The following MAP2K4 variants were observed in gnomAD, a reference collection of about 807,000 sequenced individuals.
MAP2K4 encodes mitogen-activated protein kinase kinase 4.
MAP2K4 carries 4 observed loss-of-function variants against 48.5 expected under a neutral mutation model. The ratio of observed to expected loss-of-function variants is 0.08; its 90% CI spans 0.04 to 0.19. The LOEUF (loss-of-function observed/expected upper bound fraction) is 0.19. MAP2K4 is among the 10% of genes least tolerant of loss of function. The pLI, the probability that MAP2K4 is intolerant of heterozygous loss-of-function variation, is 1.00. For missense variants in MAP2K4, 258 were observed against 493.3 expected (o/e 0.52, Z 4.52); for synonymous variants, 166 against 173.1 (o/e 0.96, Z 0.32).
chr17:12,123,574 G>T (rs763880493), intron 7 of MAP2K4, among the ~76,000 whole-genome samples: 16 of 151,778 alleles, frequency 1.1e-4, no homozygotes, highest in Non-Finnish European at 2.1e-4. Context: ...CCTCCTGCTT[G>T]CTTTGTATTT....
chr17:12,131,570 TC>T (rs1253621497), intron 9 of MAP2K4, among the ~76,000 whole-genome samples: 2 of 152,058 alleles, frequency 1.3e-5, no homozygotes, highest in Non-Finnish European at 2.9e-5. Flanking sequence ...TCTCATGACT[TC>T]CCTCTCCTTG....
intron 1 of MAP2K4, among the ~76,000 whole-genome samples, chr17:12,022,612 GT>G (rs1232712863): frequency 2.6e-5 from 4 of 152,196 alleles, no homozygotes; most frequent in African/African-American, 9.6e-5. Context: ...GATACAGTGT[GT>G]TTTTTTGGTT....
At chr17:12,103,692 C>CA (rs1485184370) in intron 4 of MAP2K4, among the ~76,000 whole-genome samples, 10 of 152,044 alleles carry the variant, frequency 6.6e-5, no homozygotes, top group Non-Finnish European at 1.0e-4. Context: ...TCCATATGTG[C>CA]ATTTTCCCCT....
intron 7 of MAP2K4, among the ~76,000 whole-genome samples, chr17:12,119,122 A>G (rs960719527): frequency 6.6e-6 from 1 of 152,216 alleles, no homozygotes; most frequent in African/African-American, 2.4e-5. Context: ...AGTGATAATG[A>G]GGATGATGTT....
chr17:12,028,115 T>A (rs1329436228), intron 1 of MAP2K4, among the ~76,000 whole-genome samples: 1 of 152,228 alleles, frequency 6.6e-6, no homozygotes, highest in East Asian at 1.9e-4. Flanking sequence ...AGAAGTTAGA[T>A]ACTTGCCCGA....
At chr17:12,074,566 G>A (rs915006728) in intron 2 of MAP2K4, among the ~76,000 whole-genome samples, 1 of 152,194 alleles carries the variant, frequency 6.6e-6, no homozygotes, top group African/African-American at 2.4e-5. Flanking sequence ...ATGAGCCTGG[G>A]TATCATGCCT....
chr17:12,073,799 G>A (rs1287804660), intron 2 of MAP2K4, among the ~76,000 whole-genome samples: 1 of 142,422 alleles, frequency 7.0e-6, no homozygotes, highest in African/African-American at 2.6e-5. Context: ...CTGAGACGGA[G>A]TCTCGTACTG....
rs528397240 is a variant in MAP2K4 at position 12,049,285 on chromosome 17, A to G, written c.116-5604A>G. ...GAATACTTGTAAGTCAAATACCAAT[A>G]TTCTTGAAGGTATTCTATGAATGAC... On this transcript the variant is annotated intron_variant, in intron 1 of 10. Transcript: ENST00000353533. Among the ~76,000 whole-genome samples, 47 of 152,334 alleles carry G rather than the reference A, an allele frequency of 3.1e-4. 1 individual carries two copies. Among genetic ancestry groups the G allele is most frequent in the African/African-American group, 1.1e-3 (46 of 41,570 alleles).
At chr17:12,115,043 T>C (rs1050255090) in intron 7 of MAP2K4, among the ~76,000 whole-genome samples, 1 of 152,248 alleles carries the variant, frequency 6.6e-6, no homozygotes, top group Non-Finnish European at 1.5e-5. Context: ...AGGCTTCAAG[T>C]GGTTTGACTT....
At chr17:12,103,949 T>A (rs1257039613) in intron 4 of MAP2K4, among the ~76,000 whole-genome samples, 2 of 152,220 alleles carry the variant, frequency 1.3e-5, no homozygotes, top group Non-Finnish European at 2.9e-5. Context: ...CTCATTTTTT[T>A]ATAATTATAA....
At chr17:12,138,449 A>G (rs1292650832) in intron 9 of MAP2K4, among the ~76,000 whole-genome samples, 4 of 150,278 alleles carry the variant, frequency 2.7e-5, no homozygotes, top group African/African-American at 4.9e-5. Context: ...AAGAGAAAAT[A>G]TATTATTTAT....
At chr17:12,028,966 T>G (rs577719212) in intron 1 of MAP2K4, among the ~76,000 whole-genome samples, 6 of 152,348 alleles carry the variant, frequency 3.9e-5, no homozygotes, top group African/African-American at 1.4e-4. Context: ...TCAAGTGAAA[T>G]GACTTCAGTT....
intron 7 of MAP2K4, among the ~76,000 whole-genome samples, chr17:12,122,955 AGTATT>A (rs1002310273): frequency 1.7e-4 from 26 of 152,198 alleles, no homozygotes; most frequent in African/African-American, 6.0e-4. Flanking sequence ...GTATTAAGTT[AGTATT>A]GTATTCTTGA....
At chr17:12,125,252 G>C in intron 7 of MAP2K4, 42 bp from the exon 8 acceptor site, 1 of 1,483,476 alleles carries the variant, frequency 6.7e-7, no homozygotes. Flanking sequence ...TATTCCTTGA[G>C]TGTAAGGCAA....
At chr17:12,140,850 A>G (rs1248266474) in intron 10 of MAP2K4, among the ~76,000 whole-genome samples, 1 of 152,172 alleles carries the variant, frequency 6.6e-6, no homozygotes, top group Non-Finnish European at 1.5e-5. Flanking sequence ...CTGAGTGACA[A>G]CTTGGCTGTC....
At chr17:12,092,516 C>G (rs1279469550) in intron 3 of MAP2K4, among the ~76,000 whole-genome samples, 1 of 152,110 alleles carries the variant, frequency 6.6e-6, no homozygotes. Context: ...TAGCTTTAGT[C>G]TCTTAAGTAT....
intron 6 of MAP2K4, 156 bp downstream of exon 6, chr17:12,110,582 G>T: frequency 3.5e-6 from 2 of 571,928 alleles, no homozygotes; most frequent in South Asian, 2.6e-5. Flanking sequence ...CTCTATTACT[G>T]CTATTTTTTT....
chr17:12,045,105 C>G (rs1277255850), intron 1 of MAP2K4, among the ~76,000 whole-genome samples: 1 of 152,198 alleles, frequency 6.6e-6, no homozygotes, highest in Non-Finnish European at 1.5e-5. Context: ...GCCCTGTGGC[C>G]TGGGGCCACT....
At chr17:12,120,892 G>T (rs1222906754) in intron 7 of MAP2K4, among the ~76,000 whole-genome samples, 4 of 152,230 alleles carry the variant, frequency 2.6e-5, no homozygotes, top group African/African-American at 9.6e-5. Flanking sequence ...TGTAGCTGCT[G>T]TTTAACAGTT....
Sources: allele counts gnomAD v4.1 joint callset (sites outside exome capture counted in the v4.1 genomes callset), GRCh38; gene constraint gnomAD v4.1.1; transcripts MANE v1.5; gene names NCBI Gene and HGNC (gene_info 2026-07-23, HGNC 2026-07-21).